DMD: variants seen among roughly 807,000 people sequenced by gnomAD.
DMD encodes mutant dystrophin.
DMD carries 63 observed loss-of-function variants against 330.1 expected under a neutral mutation model. The observed-to-expected ratio is 0.19, with a 90% CI of 0.16 to 0.24. The LOEUF is 0.24. Among genes scored for constraint, DMD ranks in the 10% least tolerant of loss-of-function variants. The probability of loss-of-function intolerance (pLI) is 1.00; values close to 1 mark genes in which losing one functional copy is unlikely to be tolerated. For synonymous variants in DMD, 1,223 were observed against 959.8 expected, an observed-to-expected ratio of 1.27 and a Z score of -5.07; for missense variants, 3,344 against 2,684.1, an observed-to-expected ratio of 1.25 and a Z score of -5.43.
chrX:32,710,143 T>C (rs1279511830), intron 7 of DMD, among the ~76,000 whole-genome samples: 1 of 108,619 alleles, frequency 9.2e-6, no homozygotes, highest in African/African-American at 3.5e-5. Flanking sequence ...GTATCAATTA[T>C]ATACAAGAAC....
At chrX:32,134,813 T>C (rs191248832) in intron 44 of DMD, among the ~76,000 whole-genome samples, 38 of 111,544 alleles carry the variant, frequency 3.4e-4, no homozygotes, top group African/African-American at 1.2e-3. Context: ...GTTCAGAAAA[T>C]AGGGTATATG....
At chrX:32,945,509 G>T (rs1029836635) in intron 2 of DMD, among the ~76,000 whole-genome samples, 1 of 110,347 alleles carries the variant, frequency 9.1e-6, no homozygotes, top group Non-Finnish European at 1.9e-5. Context: ...TCTTTTACTT[G>T]GCTTCTTTCA....
intron 60 of DMD, among the ~76,000 whole-genome samples, chrX:31,352,312 T>A (rs764780692): frequency 9.0e-5 from 10 of 111,142 alleles, no homozygotes; most frequent in African/African-American, 1.6e-4. Context: ...CATGAATAAA[T>A]CAATCTAGAG....
chrX:31,940,899 G>A (rs1260256240), intron 45 of DMD, among the ~76,000 whole-genome samples: 2 of 111,258 alleles, frequency 1.8e-5, no homozygotes, highest in Admixed American at 9.5e-5. Flanking sequence ...ACTAGATGTG[G>A]CCCAAAAGCC....
At chrX:32,332,227 T>C (rs1353839347) in intron 41 of DMD, among the ~76,000 whole-genome samples, 1 of 111,558 alleles carries the variant, frequency 9.0e-6, no homozygotes, top group Non-Finnish European at 1.9e-5. Flanking sequence ...GTGTACCTAG[T>C]CACTGTTTTG....
At chrX:32,956,252 G>A (rs775902393) in intron 2 of DMD, among the ~76,000 whole-genome samples, 4 of 111,666 alleles carry the variant, frequency 3.6e-5, no homozygotes, top group African/African-American at 1.3e-4. Flanking sequence ...AATAAATTGC[G>A]TTGAGCAGTG....
chrX:31,671,738 T>C (rs2081806443), intron 53 of DMD, among the ~76,000 whole-genome samples: 1 of 112,131 alleles, frequency 8.9e-6, no homozygotes, highest in African/African-American at 3.2e-5. Flanking sequence ...ATTTCTGTAA[T>C]GTTGGTAGTA....
chrX:32,819,363 T>G (rs148409764), intron 5 of DMD, among the ~76,000 whole-genome samples: 247 of 110,899 alleles, frequency 2.2e-3, no homozygotes, highest in African/African-American at 7.9e-3. Context: ...AATTGTCCAG[T>G]AAAAGTATGG....
At position 31,592,024 on chromosome X, in the gene DMD, T is replaced by C. The variant is rs2076898419; in HGVS notation, c.8217+35649A>G. The stretch of plus-strand genomic sequence containing the variant: ...CTATTGGGCAGTTATCCACTGCATA[T>C]TCTCCTAGAGCATTATGCCTTATAT... On this transcript the variant is annotated intron_variant, in intron 55 of 78. Transcript: ENST00000357033. Among the ~76,000 whole-genome samples the C allele has an allele frequency of 1.8e-5, 2 of 110,704 alleles. 1 individual carries two copies. Among genetic ancestry groups the C allele is most frequent in the Middle Eastern group, 8.4e-3 (2 of 239 alleles).
rs764333447 is a variant in DMD at position 31,276,736 on chromosome X, A to C, written c.9225-15720T>G. 3.6e-5 allele frequency among the ~76,000 whole-genome samples: 4 copies of C among 112,479 alleles called. No homozygotes were observed. In the Admixed American group the frequency reaches 3.8e-4, roughly 11 times the overall value. ...GGATATTGACACAATGGGATATTACATAGCAATTAGAATGAACAATCCACC... is the reference window on the plus strand; with the variant it reads ...GGATATTGACACAATGGGATATTACCTAGCAATTAGAATGAACAATCCACC... On this transcript the variant is annotated intron_variant, in intron 62 of 78. Transcript: ENST00000357033.
intron 43 of DMD, among the ~76,000 whole-genome samples, chrX:32,282,322 C>A (rs1187737768): frequency 9.0e-6 from 1 of 111,666 alleles, no homozygotes; most frequent in Non-Finnish European, 1.9e-5. Flanking sequence ...TATGTAAATT[C>A]TTTGTTTTTA....
chrX:32,457,536 G>C (rs1220386318), intron 25 of DMD, among the ~76,000 whole-genome samples: 5 of 111,009 alleles, frequency 4.5e-5, no homozygotes, highest in Non-Finnish European at 9.5e-5. Context: ...GCAGAGACAA[G>C]GGAAAGGGAT....
At chrX:31,688,935 A>G (rs1187517030) in intron 52 of DMD, among the ~76,000 whole-genome samples, 1 of 110,978 alleles carries the variant, frequency 9.0e-6, no homozygotes, top group Non-Finnish European at 1.9e-5. Flanking sequence ...CATGCTAAAA[A>G]CTCTCGATAA....
At chrX:32,267,667 G>GA (rs1450436766) in intron 43 of DMD, among the ~76,000 whole-genome samples, 2 of 111,829 alleles carry the variant, frequency 1.8e-5, no homozygotes, top group Non-Finnish European at 1.9e-5. Context: ...CAGGAGACTT[G>GA]AAAAAATCTT....
At chrX:31,521,714 G>A (rs1450931544) in intron 55 of DMD, among the ~76,000 whole-genome samples, 1 of 111,856 alleles carries the variant, frequency 8.9e-6, no homozygotes, top group African/African-American at 3.3e-5. Context: ...CTCTGCTTGA[G>A]TTTGTGATAC....
intron 13 of DMD, among the ~76,000 whole-genome samples, chrX:32,580,486 T>G (rs778996231): frequency 8.9e-6 from 1 of 111,820 alleles, no homozygotes; most frequent in Non-Finnish European, 1.9e-5. Flanking sequence ...ACCAGTGAAA[T>G]AGAGATAATA....
chrX:31,940,168 T>C (rs939068264), intron 45 of DMD, among the ~76,000 whole-genome samples: 3 of 111,231 alleles, frequency 2.7e-5, no homozygotes, highest in East Asian at 2.8e-4. Flanking sequence ...AAATGAAGCA[T>C]GGAAAAGGGA....
At chrX:32,629,059 GTTTC>G (rs1458350941) in intron 11 of DMD, among the ~76,000 whole-genome samples, 1 of 111,675 alleles carries the variant, frequency 9.0e-6, no homozygotes, top group Non-Finnish European at 1.9e-5. Flanking sequence ...TAAGTCTGAT[GTTTC>G]TTTGTTGATT....
intron 63 of DMD, among the ~76,000 whole-genome samples, chrX:31,249,806 G>T (rs1319725639): frequency 9.0e-6 from 1 of 110,607 alleles, no homozygotes; most frequent in Non-Finnish European, 1.9e-5. Context: ...AATAAGGAGA[G>T]ACACTGGTAT....
Sources: gnomAD v4.1 joint callset for allele counts (sites outside exome capture counted in the v4.1 genomes callset) on GRCh38, gnomAD v4.1.1 for gene constraint, MANE v1.5 for transcripts, NCBI Gene and HGNC (gene_info 2026-07-23, HGNC 2026-07-21) for gene names.